The following PCNT variants were observed in gnomAD, a reference collection of about 807,000 sequenced individuals.
PCNT encodes the protein kendrin.
In PCNT, 319 loss-of-function variants were observed where a neutral mutation model predicts 380.4. The observed-to-expected ratio is 0.84, with a 90% CI of 0.77 to 0.92. PCNT has a LOEUF of 0.92. Ranked by LOEUF, PCNT falls within the 40% of genes least tolerant of loss-of-function variation. The pLI is 0.00. For synonymous variants in PCNT, 1,845 were observed against 1,735.2 expected (o/e 1.06, Z -1.57); for missense variants, 4,400 against 4,255.3 (o/e 1.03, Z -0.95).
At chr21:46,358,038 A>G (rs1476050892) in intron 13 of PCNT, among the ~76,000 whole-genome samples, 1 of 151,946 alleles carries the variant, frequency 6.6e-6, no homozygotes, top group Non-Finnish European at 1.5e-5. Flanking sequence ...GGTCCATCCC[A>G]TGCTGGAGCA....
intron 35 of PCNT, 33 bp downstream of exon 35, chr21:46,428,623 G>A (rs1235263684): frequency 1.2e-5 from 18 of 1,549,740 alleles, no homozygotes; most frequent in East Asian, 4.7e-5. Context: ...CCTGGGGCCC[G>A]GCCTCTGCAC....
chr21:46,417,421 T>G (rs1041411580), intron 30 of PCNT, among the ~76,000 whole-genome samples: 6 of 152,102 alleles, frequency 3.9e-5, no homozygotes, highest in African/African-American at 1.2e-4. Flanking sequence ...CTCGAACTCC[T>G]GACCTCATGA....
chr21:46,354,237 C>T lies in PCNT; in HGVS notation c.1761+169C>T, dbSNP rs557409226. ...CACTGCTGCTCCGCGGTGGGCCTCACCATGCACTGTTTGATCAGGAAAGGG... is the reference window on the plus strand; with the variant it reads ...CACTGCTGCTCCGCGGTGGGCCTCATCATGCACTGTTTGATCAGGAAAGGG... On this transcript the variant is annotated intron_variant, in intron 11 of 46. Coordinates refer to ENST00000359568, the MANE Select transcript of PCNT (RefSeq NM_006031.6). Among the ~76,000 whole-genome samples, 4 of 152,296 alleles carry T rather than the reference C, an allele frequency of 2.6e-5. No individual in the cohort carries two copies. In the South Asian group the frequency reaches 6.2e-4, roughly 24 times the overall value.
chr21:46,339,294 C>T (rs2083848858), intron 3 of PCNT, among the ~76,000 whole-genome samples: 3 of 152,170 alleles, frequency 2.0e-5, no homozygotes, highest in South Asian at 4.1e-4. Context: ...CCGGTGGTTT[C>T]GCTCTGCCCC....
Position 46,351,415 on chromosome 21 carries a change from T to C in PCNT, c.1345-14T>C, listed in dbSNP as rs763259425. 55 of 1,486,620 alleles carry C rather than the reference T, an allele frequency of 3.7e-5. No individual in the cohort carries two copies. Among genetic ancestry groups the C allele is most frequent in the Non-Finnish European group, 5.0e-5 (53 of 1,063,836 alleles). The allele number at this position is 1,486,620 out of a possible 1,614,324, so 92.1% of individuals were successfully genotyped here. A position where few individuals can be genotyped will look rare whatever the true frequency, so the allele number is the denominator to read the frequency against. On this transcript the variant is annotated splice_polypyrimidine_tract_variant and intron_variant, in intron 8 of 46. Coordinates refer to ENST00000359568, the MANE Select transcript of PCNT (RefSeq NM_006031.6). ...GCTCATTAGGGTTTCACCTGGACAC[T>C]TTGCTTTTTCCAGTTAGAGAATCTT...
intron 25 of PCNT, among the ~76,000 whole-genome samples, chr21:46,400,602 T>C (rs961281559): frequency 1.3e-4 from 15 of 119,704 alleles, no homozygotes; most frequent in African/African-American, 4.4e-4. Flanking sequence ...CACAGCAACC[T>C]CCTCCTCCCG....
intron 15 of PCNT, 90 bp downstream of exon 15, chr21:46,367,229 C>CTG (rs2084960256): frequency 9.5e-7 from 1 of 1,051,114 alleles, no homozygotes; most frequent in African/African-American, 1.6e-5. Context: ...TGCGTGCGTG[C>CTG]TGTGTGTGCC....
chr21:46,425,800 A>G lies in PCNT; in HGVS notation c.7180-31A>G. The stretch of plus-strand genomic sequence containing the variant: ...AGCGTGGCTGTGTGGGGTGGCAGGC[A>G]ACTCCCTTCTGACGCGCTTTCCCGC... On this transcript the variant is annotated intron_variant, in intron 32 of 46. Transcript: ENST00000359568. This position sits in a 1 kb window ranked among gnomAD's most constrained non-coding sequence, Gnocchi z 4.2. 2.5e-6 allele frequency: 4 copies of G among 1,612,076 alleles called. No individual in the cohort carries two copies. The highest frequency in any genetic ancestry group is 3.4e-6 in the Non-Finnish European group (4 of 1,179,876).
At chr21:46,428,208 G>A (rs992589592) in intron 34 of PCNT, among the ~76,000 whole-genome samples, 187 bp from the exon 35 acceptor site, 4 of 152,204 alleles carry the variant, frequency 2.6e-5, no homozygotes, top group African/African-American at 4.8e-5. Flanking sequence ...CAGGCCTCAC[G>A]CAGGGTAGTG....
Position 46,353,140 on chromosome 21 carries a change from T to C in PCNT, c.1493T>C (p.Val498Ala). The C allele has an allele frequency of 6.2e-7, 1 of 1,614,020 alleles. No individual in the cohort carries two copies. Among genetic ancestry groups the C allele is most frequent in the Non-Finnish European group, 8.5e-7 (1 of 1,180,030 alleles). The change falls in exon 10 of 47, where the codon GTG (valine) becomes GCG (alanine). Residue 498 changes from valine (V) to alanine (A), a missense_variant. Physicochemically the swap from Val to Ala is moderately conservative, Grantham distance 64. Coordinates refer to ENST00000359568, the MANE Select transcript of PCNT (RefSeq NM_006031.6). ...HEQLLARTSR[V>A]EDLEQLKQRE... ...CAACTCCTGGCGCGCACCTCTCGTGTGGAAGATTTAGAACAGCTGAAGCAG... is the reference window on the plus strand; with the variant it reads ...CAACTCCTGGCGCGCACCTCTCGTGCGGAAGATTTAGAACAGCTGAAGCAG...
At chr21:46,368,838 C>T (rs554247383) in intron 15 of PCNT, among the ~76,000 whole-genome samples, 231 of 152,338 alleles carry the variant, frequency 1.5e-3, no homozygotes, top group South Asian at 3.9e-3. Context: ...AAGAAGTACA[C>T]GTTCCAAACT....
chr21:46,384,810 C>T lies in PCNT; in HGVS notation c.3313-1022C>T, dbSNP rs577316259. Among the ~76,000 whole-genome samples the T allele has an allele frequency of 9.7e-4, 147 of 151,092 alleles. 1 individual carries two copies. Among genetic ancestry groups the T allele is most frequent in the Non-Finnish European group, 1.6e-3 (111 of 67,786 alleles). ...GCGGAAGTGCATTCATGGTGTTGTG[C>T]GTTGAGCGGCGGAAGCGCATTCACG... On this transcript the variant is annotated intron_variant, in intron 16 of 46. Coordinates refer to ENST00000359568, the MANE Select transcript of PCNT (RefSeq NM_006031.6).
chr21:46,383,655 C>T lies in PCNT; in HGVS notation c.3312+1815C>T, dbSNP rs1325603887. ...AAGCGCATTCACGGTGTTGTGCATTCAGTGGCGGAAGCGCATTCACAGTGT... is the reference window on the plus strand; with the variant it reads ...AAGCGCATTCACGGTGTTGTGCATTTAGTGGCGGAAGCGCATTCACAGTGT... On this transcript the variant is annotated intron_variant, in intron 16 of 46. Coordinates refer to ENST00000359568, the MANE Select transcript of PCNT (RefSeq NM_006031.6). Among the ~76,000 whole-genome samples, 56 of 146,826 alleles carry T rather than the reference C, an allele frequency of 3.8e-4. 1 individual carries two copies. The highest frequency in any genetic ancestry group is 4.1e-4 in the Admixed American group (6 of 14,574).
At chr21:46,376,638 C>T (rs2085340346) in intron 15 of PCNT, among the ~76,000 whole-genome samples, 1 of 152,224 alleles carries the variant, frequency 6.6e-6, no homozygotes, top group Non-Finnish European at 1.5e-5. Flanking sequence ...CTTGAATTCA[C>T]CAGCGTTTTG....
intron 11 of PCNT, among the ~76,000 whole-genome samples, chr21:46,354,319 A>C (rs1181845201): frequency 6.6e-6 from 1 of 152,206 alleles, no homozygotes; most frequent in Non-Finnish European, 1.5e-5. Context: ...GGCTGTGGGC[A>C]AGGCCTCCAC....
intron 27 of PCNT, among the ~76,000 whole-genome samples, chr21:46,405,232 A>T (rs1359809762): frequency 6.6e-6 from 1 of 151,604 alleles, no homozygotes; most frequent in Non-Finnish European, 1.5e-5. Context: ...GACCCTGCCT[A>T]AAAAAAAATA....
chr21:46,389,021 T>C (rs1347845664), intron 18 of PCNT, 137 bp downstream of exon 18: 4 of 1,405,356 alleles, frequency 2.8e-6, no homozygotes, highest in African/African-American at 2.8e-5. Flanking sequence ...GTTTCCGCAC[T>C]TACAGAAGGC....
At chr21:46,327,051 T>C (rs2083417934) in intron 2 of PCNT, among the ~76,000 whole-genome samples, 1 of 151,728 alleles carries the variant, frequency 6.6e-6, no homozygotes, top group African/African-American at 2.4e-5. Context: ...TATGGTTTTA[T>C]TCTTTTTATT....
intron 22 of PCNT, 109 bp downstream of exon 22, chr21:46,397,603 G>A: frequency 1.1e-6 from 1 of 926,540 alleles, no homozygotes; most frequent in Non-Finnish European, 1.7e-6. Context: ...GTTGAAGAGG[G>A]CGCCCCACAC....
Sources: allele counts gnomAD v4.1 joint callset (sites outside exome capture counted in the v4.1 genomes callset), GRCh38; gene constraint gnomAD v4.1.1; non-coding constraint Gnocchi (gnomAD v3.1); transcripts MANE v1.5; gene names NCBI Gene and HGNC (gene_info 2026-07-23, HGNC 2026-07-21).